The following ZFYVE26 variants were observed in gnomAD, a reference collection of about 807,000 sequenced individuals.
The protein encoded by ZFYVE26 is zinc finger FYVE-type containing 26.
Under a neutral mutation model 276.5 loss-of-function variants are expected in ZFYVE26, and 181 were observed. That is an observed-to-expected ratio of 0.65 (90% CI 0.58 to 0.74). ZFYVE26 has a LOEUF of 0.74. Among genes scored for constraint, ZFYVE26 ranks in the 30% least tolerant of loss-of-function variants. The pLI is 0.00. For missense variants in ZFYVE26, 2,821 were observed against 3,097.9 expected (o/e 0.91, Z 2.12); for synonymous variants, 1,129 against 1,203.1 (o/e 0.94, Z 1.27).
intron 13 of ZFYVE26, among the ~76,000 whole-genome samples, chr14:67,730,460 T>C (rs927858719): frequency 6.6e-6 from 1 of 152,226 alleles, no homozygotes; most frequent in Non-Finnish European, 1.5e-5. Flanking sequence ...AGCATTTCCT[T>C]TGAGTTGCAT....
chr14:67,813,826 T>G (rs998863658), intron 3 of ZFYVE26, among the ~76,000 whole-genome samples, 160 bp downstream of exon 3: 5 of 152,352 alleles, frequency 3.3e-5, no homozygotes, highest in African/African-American at 1.2e-4. Flanking sequence ...TGAATGAATT[T>G]AGGTAAGGAG....
chr14:67,813,956 C>A (rs777025914), intron 3 of ZFYVE26, 30 bp downstream of exon 3: 2 of 1,547,052 alleles, frequency 1.3e-6, no homozygotes, highest in South Asian at 2.2e-5. Flanking sequence ...GTCCTGGCCT[C>A]GGAGGAAAAT....
chr14:67,792,989 G>T (rs945770173), intron 14 of ZFYVE26, among the ~76,000 whole-genome samples: 1 of 148,924 alleles, frequency 6.7e-6, no homozygotes, highest in Non-Finnish European at 1.5e-5. Context: ...GCTGGGTGTG[G>T]TGGCTCATGC....
Position 67,785,969 on chromosome 14 carries a change from G to A in ZFYVE26, c.3193C>T (p.Leu1065Phe), listed in dbSNP as rs150333725. Residue 1065 changes from leucine (L) to phenylalanine (F), a missense_variant, in exon 18 of 42, where the codon CTT becomes TTT. By Grantham distance (22) the Leu-to-Phe change is conservative (BLOSUM62 0). Transcript: ENST00000347230. ...CTTAGGCTGGGCCAGCACATCTGAA[G>A]CAGTTCAGTGATGCTGCACCGTGGA... ...GPPRCSITEL[L>F]QMCWPSLSED... The A allele has an allele frequency of 8.1e-6, 13 of 1,614,100 alleles. No individual in the cohort carries two copies. In the African/African-American group the frequency reaches 1.7e-4, roughly 22 times the overall value.
chr14:67,764,454 C>T (rs752877504), intron 32 of ZFYVE26, among the ~76,000 whole-genome samples: 4 of 152,134 alleles, frequency 2.6e-5, no homozygotes, highest in Admixed American at 1.3e-4. Context: ...CTCCTGGCCT[C>T]GGGATCCTCT....
chr14:67,772,926 C>G (rs1566875673), intron 27 of ZFYVE26, among the ~76,000 whole-genome samples: 1 of 151,892 alleles, frequency 6.6e-6, no homozygotes. Flanking sequence ...TACTACTGCA[C>G]TCTGGCCTGG....
At chr14:67,761,291 C>T (rs1857991356) in intron 35 of ZFYVE26, 75 bp downstream of exon 35, 2 of 1,383,850 alleles carry the variant, frequency 1.4e-6, no homozygotes, top group Admixed American at 3.9e-5. Flanking sequence ...GGGTTATTGT[C>T]CCGCTTAAGG....
chr14:67,805,444 T>A lies in ZFYVE26; in HGVS notation c.1182+10A>T. Reference sequence around the variant, plus strand: ...TTCCAGAGCAGCCTGGGATGCTGAGTGAGAGTTACCTGGGTCCTGTGCAGG... The same window carrying A: ...TTCCAGAGCAGCCTGGGATGCTGAGAGAGAGTTACCTGGGTCCTGTGCAGG... On this transcript the variant is annotated intron_variant, in intron 7 of 41. Transcript: ENST00000347230. The A allele has an allele frequency of 6.2e-7, 1 of 1,614,040 alleles. No individual in the cohort carries two copies. The highest frequency in any genetic ancestry group is 8.5e-7 in the Non-Finnish European group (1 of 1,180,014).
chr14:67,767,774 T>C lies in ZFYVE26; in HGVS notation c.5720A>G (p.Glu1907Gly), dbSNP rs1332674773. 6.2e-7 allele frequency: 1 copy of C among 1,614,190 alleles called. No homozygotes were observed. Among genetic ancestry groups the C allele is most frequent in the Non-Finnish European group, 8.5e-7 (1 of 1,180,046 alleles). ...SFVVRVPKAD[E>G]VEWILDLKEE... Reference sequence around the variant, plus strand: ...TTTGAGATCCAAAATCCATTCCACCTCATCTGCTTTGGGGACTCTCACCAC... The same window carrying C: ...TTTGAGATCCAAAATCCATTCCACCCCATCTGCTTTGGGGACTCTCACCAC... Residue 1907 changes from glutamate (E) to glycine (G), a missense_variant, in exon 31 of 42, where the codon GAG (glutamate) becomes GGG (glycine). Physicochemically the swap from Glu to Gly is moderately conservative, Grantham distance 98 (BLOSUM62 -2). Transcript: ENST00000347230.
In ZFYVE26 at chr14:67,778,226, C is replaced by T. The variant is rs1265666148; in HGVS notation, c.4697G>A (p.Trp1566Ter). The T allele has an allele frequency of 1.2e-6, 2 of 1,614,070 alleles. No homozygotes were observed. The highest frequency in any genetic ancestry group is 1.7e-6 in the Non-Finnish European group (2 of 1,180,030). Residue 1566 changes from tryptophan to a stop codon, truncating the protein, a stop_gained, in exon 24 of 42, where the codon TGG becomes TAG. Coordinates refer to ENST00000347230, the MANE Select transcript of ZFYVE26 (RefSeq NM_015346.4). LOFTEE classifies it high-confidence loss of function. ...TCTTGGAATGGGGTACAGGCAGCCC[C>T]ACTCTTCACACAGTTCATACTCCTG... ...EAQEYELCEE[W>*]GCLYPIPREH... is the part of the protein sequence containing the mutation.
chr14:67,800,227 A>G (rs2140245127), intron 10 of ZFYVE26, among the ~76,000 whole-genome samples: 1 of 152,330 alleles, frequency 6.6e-6, no homozygotes, highest in Non-Finnish European at 1.5e-5. Context: ...AATGTGACCT[A>G]GAAAAAATGT....
At chr14:67,792,930 A>AAG (rs1555398577) in intron 14 of ZFYVE26, among the ~76,000 whole-genome samples, 4 of 150,316 alleles carry the variant, frequency 2.7e-5, no homozygotes, top group Admixed American at 2.0e-4. Flanking sequence ...AAAAAAAAAA[A>AAG]AAAAGAAAAG....
rs1358313710 is a variant in ZFYVE26 at position 67,772,153 on chromosome 14, G to A, written c.5378C>T (p.Pro1793Leu). Residue 1793 changes from proline (P) to leucine (L), a missense_variant, in exon 28 of 42, where the codon CCC becomes CTC. Coordinates refer to ENST00000347230, the MANE Select transcript of ZFYVE26 (RefSeq NM_015346.4). ...CGCTGGGGGCACAAATTCCTGTGAGGGCTGGGTTGGTGGGAAACTCCTTTC... is the reference window on the plus strand; with the variant it reads ...CGCTGGGGGCACAAATTCCTGTGAGAGCTGGGTTGGTGGGAAACTCCTTTC... ...LRERSFPPTQ[P>L]SQEFVPPATP... The A allele has an allele frequency of 6.2e-7, 1 of 1,613,374 alleles. No individual in the cohort carries two copies. Among genetic ancestry groups the A allele is most frequent in the South Asian group, 1.1e-5 (1 of 90,844 alleles).
intron 32 of ZFYVE26, among the ~76,000 whole-genome samples, chr14:67,764,700 G>T (rs1323824052): frequency 6.6e-6 from 1 of 152,182 alleles, no homozygotes; most frequent in Admixed American, 6.5e-5. Context: ...TTCTTAGAGT[G>T]GGCGTGTCTG....
chr14:67,752,862 C>T (rs34157082), intron 39 of ZFYVE26, among the ~76,000 whole-genome samples: 19,177 of 152,184 alleles, frequency 0.13, 1,270 homozygotes, highest in Middle Eastern at 0.22. Context: ...ATTTGCTGCC[C>T]TGGACACCTG....
At chr14:67,733,101 C>T (rs1195504558) in intron 13 of ZFYVE26, among the ~76,000 whole-genome samples, 4 of 150,796 alleles carry the variant, frequency 2.7e-5, no homozygotes, top group Admixed American at 2.0e-4. Flanking sequence ...TGCACATGTA[C>T]CCTAAAACTT....
rs1364602408 is a variant in ZFYVE26 at position 67,799,325 on chromosome 14, A to G, written c.1640-703T>C. 2.5e-6 allele frequency: 4 copies of G among 1,612,922 alleles called. No homozygotes were observed. In the South Asian group the frequency reaches 3.3e-5, roughly 13 times the overall value. On this transcript the variant is annotated intron_variant, in intron 10 of 41. Coordinates refer to ENST00000347230, the MANE Select transcript of ZFYVE26 (RefSeq NM_015346.4). ...GATAAGGAATATTGTTCAGCAAGCT[A>G]TTGACGCCAGAGCGGTGCAATCCTA... is the stretch of plus-strand genomic sequence containing the variant.
chr14:67,755,118 A>G lies in ZFYVE26; in HGVS notation c.6919T>C (p.Ser2307Pro), dbSNP rs1566863424. Reference protein sequence around the residue: ...DHLKIYLQETSRSSGRKKTTF... With the variant: ...DHLKIYLQETPRSSGRKKTTF... ...GTTTTCTTCCTTCCAGAGCTGCGGG[A>G]TGTTTCTTGGAGGTAGATCTTCAGG... is the stretch of plus-strand genomic sequence containing the variant. Residue 2307 changes from serine (S) to proline (P), a missense_variant, in exon 37 of 42, where the codon TCC becomes CCC. Ser to Pro is a moderately conservative substitution (Grantham distance 74). Coordinates refer to ENST00000347230, the MANE Select transcript of ZFYVE26 (RefSeq NM_015346.4). 6 of 1,614,004 alleles carry G rather than the reference A, an allele frequency of 3.7e-6. No individual in the cohort carries two copies. Among genetic ancestry groups the G allele is most frequent in the Non-Finnish European group, 5.1e-6 (6 of 1,180,016 alleles).
intron 35 of ZFYVE26, among the ~76,000 whole-genome samples, chr14:67,758,610 A>G (rs1256045790): frequency 7.1e-6 from 1 of 141,772 alleles, no homozygotes. Flanking sequence ...AAGGATACTA[A>G]AAGGATAAAT....
Sources: allele counts gnomAD v4.1 joint callset (sites outside exome capture counted in the v4.1 genomes callset), GRCh38; gene constraint gnomAD v4.1.1; transcripts MANE v1.5; gene names NCBI Gene and HGNC (gene_info 2026-07-23, HGNC 2026-07-21).